Variants in AKAP9 observed in about 807,000 individuals in gnomAD.
AKAP9 encodes the protein A-kinase anchoring protein 9, also known as A-kinase anchor protein 9.
AKAP9 carries 311 observed loss-of-function variants against 488.5 expected under a neutral mutation model. That is an observed-to-expected ratio of 0.64 (90% CI 0.58 to 0.70). The LOEUF (loss-of-function observed/expected upper bound fraction) is 0.70, where lower values mean the gene tolerates loss of function less well. AKAP9 is among the 30% of genes least tolerant of loss of function. The pLI is 0.00. For synonymous variants in AKAP9, 1,462 were observed against 1,483.5 expected (o/e 0.99, Z 0.33); for missense variants, 4,215 against 4,374.5 (o/e 0.96, Z 1.03).
At position 92,001,577 on chromosome 7, in the gene AKAP9, C is replaced by G. The variant is rs773088392; in HGVS notation, c.1660C>G (p.Gln554Glu). 6.2e-7 allele frequency: 1 copy of G among 1,613,740 alleles called. No individual in the cohort carries two copies. The highest frequency in any genetic ancestry group is 1.7e-5 in the Admixed American group (1 of 59,976). ...GAGAGCTAGACAGACAATAGCTGAA[C>G]AAGAAAGTAAACTTAATGAAGCACA... The part of the protein sequence containing the change: ...IQRARQTIAE[Q>E]ESKLNEAHKS... The change falls in exon 8 of 50, where the codon CAA becomes GAA. Residue 554 changes from glutamine (Q) to glutamate (E), a missense_variant. Gln to Glu is a conservative substitution (Grantham distance 29). Coordinates refer to ENST00000356239, the MANE Select transcript of AKAP9 (RefSeq NM_005751.5).
intron 28 of AKAP9, among the ~76,000 whole-genome samples, chr7:92,074,357 A>C (rs1326555744): frequency 2.6e-5 from 4 of 152,112 alleles, no homozygotes; most frequent in Admixed American, 2.6e-4. Context: ...ATTAAAGAGG[A>C]AACAACAGAT....
intron 5 of AKAP9, among the ~76,000 whole-genome samples, chr7:91,993,761 A>G (rs1381282726): frequency 6.6e-6 from 1 of 152,210 alleles, no homozygotes; most frequent in Non-Finnish European, 1.5e-5. Flanking sequence ...TTAATAAGAC[A>G]GATGTTTTTG....
At chr7:92,100,152 G>A (rs1046420105) in intron 44 of AKAP9, 2 of 343,718 alleles carry the variant, frequency 5.8e-6, no homozygotes, top group African/African-American at 4.2e-5. Context: ...TGAAGTCGTA[G>A]TCAAACCAAG....
intron 22 of AKAP9, chr7:92,058,418 A>T: frequency 2.0e-6 from 1 of 501,546 alleles, no homozygotes; most frequent in South Asian, 1.6e-5. Flanking sequence ...TTATTCAGTA[A>T]GTATAAAAAA....
At chr7:92,019,646 T>C (rs982772743) in intron 12 of AKAP9, among the ~76,000 whole-genome samples, 4 of 150,380 alleles carry the variant, frequency 2.7e-5, no homozygotes, top group Non-Finnish European at 5.9e-5. Flanking sequence ...TTTACATATA[T>C]ATATATAATA....
chr7:92,023,590 G>A (rs557898602), intron 14 of AKAP9, among the ~76,000 whole-genome samples: 1 of 152,162 alleles, frequency 6.6e-6, no homozygotes, highest in South Asian at 2.1e-4. Context: ...AAACCTTGCT[G>A]GTCTCTGCCA....
In AKAP9 at chr7:92,002,177, T is replaced by C; in HGVS notation, c.2260T>C (p.Leu754=). The C allele has an allele frequency of 1.3e-6, 2 of 1,593,650 alleles. No homozygotes were observed. The highest frequency in any genetic ancestry group is 1.7e-6 in the Non-Finnish European group (2 of 1,174,550). Residue 754 remains leucine, a synonymous_variant, in exon 8 of 50, where the codon TTG becomes CTG. Transcript: ENST00000356239. ...TCAAGAATTACAACTTAAAACAGAATTGTTAGAAAAACAGATGAAGGAAAA... is the reference window on the plus strand; with the variant it reads ...TCAAGAATTACAACTTAAAACAGAACTGTTAGAAAAACAGATGAAGGAAAA... ...EVQELQLKTE[L]LEKQMKEKEN... is the part of the protein sequence containing the mutation.
intron 1 of AKAP9, among the ~76,000 whole-genome samples, chr7:91,963,808 G>A (rs755460680): frequency 2.0e-5 from 3 of 152,086 alleles, no homozygotes; most frequent in Non-Finnish European, 2.9e-5. Flanking sequence ...GTGAGCCACC[G>A]CGCCCAGCCA....
chr7:92,080,685 A>G (rs1813396311), intron 31 of AKAP9, among the ~76,000 whole-genome samples: 1 of 152,170 alleles, frequency 6.6e-6, no homozygotes, highest in Non-Finnish European at 1.5e-5. Context: ...ATTGGGTAGC[A>G]TTCAGAACCA....
Position 91,981,131 on chromosome 7 carries a change from A to T in AKAP9, c.351+798A>T, listed in dbSNP as rs534564892. 3.1e-4 allele frequency among the ~76,000 whole-genome samples: 47 copies of T among 152,350 alleles called. 1 individual carries two copies. In the South Asian group the frequency reaches 7.9e-3, roughly 26 times the overall value. On this transcript the variant is annotated intron_variant, in intron 3 of 49. Coordinates refer to ENST00000356239, the MANE Select transcript of AKAP9 (RefSeq NM_005751.5). Reference sequence around the variant, plus strand: ...AATCTGGCCAGGAAAATAATTAGCCAACATTAAATAAACACATTGGTGCCT... The same window carrying T: ...AATCTGGCCAGGAAAATAATTAGCCTACATTAAATAAACACATTGGTGCCT...
intron 10 of AKAP9, among the ~76,000 whole-genome samples, chr7:92,015,643 C>T (rs1801413013): frequency 6.6e-6 from 1 of 152,002 alleles, no homozygotes; most frequent in Admixed American, 6.6e-5. Flanking sequence ...GGATTACAGG[C>T]ATGAGCCACC....
At chr7:92,027,237 C>A (rs868412927) in intron 14 of AKAP9, among the ~76,000 whole-genome samples, 1 of 139,158 alleles carries the variant, frequency 7.2e-6, no homozygotes, top group Non-Finnish European at 1.5e-5. Context: ...CGCCTCTGCC[C>A]GGCTGCCCAT....
At position 92,070,135 on chromosome 7, in the gene AKAP9, A is replaced by G; in HGVS notation, c.6436A>G (p.Ile2146Val). Reference protein sequence around the residue: ...QRDIQERNEEIEKLEFRVREL... With the variant: ...QRDIQERNEEVEKLEFRVREL... ...GGATATACAAGAAAGGAATGAAGAA[A>G]TAGAGAAACTGGAGTTCAGAGTAAG... Residue 2146 changes from isoleucine (I) to valine (V), a missense_variant, in exon 27 of 50, where the codon ATA (isoleucine) becomes GTA (valine). Transcript: ENST00000356239. The G allele has an allele frequency of 6.2e-7, 1 of 1,614,146 alleles. No individual in the cohort carries two copies.
At chr7:91,993,992 A>T (rs1798080267) in intron 5 of AKAP9, among the ~76,000 whole-genome samples, 1 of 152,082 alleles carries the variant, frequency 6.6e-6, no homozygotes, top group Non-Finnish European at 1.5e-5. Context: ...AGCCAGGCAT[A>T]GTGGTGTGTG....
chr7:92,102,755 G>C lies in AKAP9; in HGVS notation c.11259G>C (p.Glu3753Asp), dbSNP rs778568641. 4.3e-6 allele frequency: 7 copies of C among 1,614,206 alleles called. No individual in the cohort carries two copies. The Admixed American group carries it at 1.2e-4, about 27-fold the overall frequency. ...MGGQPAFTDL[E>D]VITNRPKGFT... ...GGCAGCCAGCTTTCACGGATCTAGA[G>C]GTGATCACCAATCGCCCAAAGGGCT... The change falls in exon 46 of 50, where the codon GAG (glutamate) becomes GAC (aspartate). Residue 3753 changes from glutamate (E) to aspartate (D), a missense_variant. Physicochemically the swap from Glu to Asp is conservative, Grantham distance 45. Transcript: ENST00000356239.
At chr7:92,100,094 A>C (rs768082957) in intron 44 of AKAP9, 4 of 452,308 alleles carry the variant, frequency 8.8e-6, no homozygotes, top group Non-Finnish European at 1.6e-5. Context: ...GGTTGTATAC[A>C]TACAGAATCT....
Position 92,084,907 on chromosome 7 carries a change from A to G in AKAP9, c.8799A>G (p.Glu2933=). The G allele has an allele frequency of 2.5e-6, 4 of 1,613,494 alleles. No individual in the cohort carries two copies. Among genetic ancestry groups the G allele is most frequent in the Middle Eastern group, 1.7e-4 (1 of 6,058 alleles). ...IASEGRGEES[E]SATDSFPKKI... is the part of the protein sequence containing the mutation. ...CAGAAGGCCGAGGAGAAGAAAGTGA[A>G]AGTGCAACAGATTCCTTTCCAAAGA... Residue 2933 remains glutamate, a synonymous_variant, in exon 35 of 50, where the codon GAA becomes GAG. Coordinates refer to ENST00000356239, the MANE Select transcript of AKAP9 (RefSeq NM_005751.5).
chr7:92,095,058 T>C lies in AKAP9; in HGVS notation c.9614T>C (p.Leu3205Ser). ...AAAGATAAGACAGATGAAGTACATTTGCTTAATGACACATTAGCAAGTGAA... is the reference window on the plus strand; with the variant it reads ...AAAGATAAGACAGATGAAGTACATTCGCTTAATGACACATTAGCAAGTGAA... Reference protein sequence around the residue: ...EVKDKTDEVHLLNDTLASEQK... With the variant: ...EVKDKTDEVHSLNDTLASEQK... The change falls in exon 40 of 50, where the codon TTG (leucine) becomes TCG (serine). Residue 3205 changes from leucine (L) to serine (S), a missense_variant. Around this residue, in one of 5 missense-constraint regions of AKAP9, gnomAD observed 1,476 missense variants for 1,477.4 expected, o/e 1.00. Coordinates refer to ENST00000356239, the MANE Select transcript of AKAP9 (RefSeq NM_005751.5). 1 of 1,614,214 alleles carries C rather than the reference T, an allele frequency of 6.2e-7. No individual in the cohort carries two copies. The highest frequency in any genetic ancestry group is 8.5e-7 in the Non-Finnish European group (1 of 1,180,014).
chr7:92,018,122 G>A (rs1801777221), intron 12 of AKAP9, among the ~76,000 whole-genome samples: 1 of 152,156 alleles, frequency 6.6e-6, no homozygotes, highest in Admixed American at 6.5e-5. Flanking sequence ...AGCGGCGGCT[G>A]CCCAGCTTGT....
Sources: gnomAD v4.1 joint callset for allele counts (sites outside exome capture counted in the v4.1 genomes callset) on GRCh38, gnomAD v4.1.1 for gene constraint, gnomAD v4.1.1 regional missense constraint, MANE v1.5 for transcripts, NCBI Gene and HGNC (gene_info 2026-07-23, HGNC 2026-07-21) for gene names.